The following PLEKHS1 variants were observed in gnomAD, a reference collection of about 807,000 sequenced individuals.
PLEKHS1 encodes the protein pleckstrin homology domain containing S1, also known as pleckstrin homology domain-containing family S member 1.
Under a neutral mutation model 51.0 loss-of-function variants are expected in PLEKHS1, and 55 were observed. That is an observed-to-expected ratio of 1.08 (90% CI 0.87 to 1.35). The LOEUF (loss-of-function observed/expected upper bound fraction) is 1.35. Among genes scored for constraint, PLEKHS1 ranks in the 40% most tolerant of loss-of-function variants. PLEKHS1 has a pLI of 0.00. For synonymous variants in PLEKHS1, 153 were observed against 144.8 expected (o/e 1.06, Z -0.41); for missense variants, 398 against 423.0 (o/e 0.94, Z 0.52).
exon 12 of PLEKHS1, chr10:113,781,896 A>C (rs1425243409): frequency 6.6e-6 from 1 of 152,384 alleles, no homozygotes; most frequent in Non-Finnish European, 1.5e-5. Context: ...TGGATTCAAT[A>C]AGTATCTTGT....
intron 4 of PLEKHS1, 65 bp downstream of exon 4, chr10:113,766,783 G>T (rs1187171063): frequency 1.4e-5 from 18 of 1,250,502 alleles, no homozygotes; most frequent in Non-Finnish European, 4.5e-6. Context: ...GTAACAAGTT[G>T]CATGCAAATT....
intron 2 of PLEKHS1, among the ~76,000 whole-genome samples, chr10:113,764,025 A>AT (rs1357586279): frequency 4.6e-5 from 7 of 152,164 alleles, no homozygotes; most frequent in Non-Finnish European, 1.0e-4. Context: ...AATTGCCTTC[A>AT]TTTTTAAAAG....
downstream of PLEKHS1, chr10:113,782,885 C>G (rs976635376): frequency 1.6e-4 from 24 of 152,124 alleles, no homozygotes; most frequent in African/African-American, 4.6e-4. Flanking sequence ...TGCAGAAATA[C>G]ACAAATACAC....
intron 2 of PLEKHS1, among the ~76,000 whole-genome samples, chr10:113,756,690 C>A (rs1854129971): frequency 6.6e-6 from 1 of 152,082 alleles, no homozygotes; most frequent in African/African-American, 2.4e-5. Context: ...GAAAAAAGAG[C>A]ACATTCCAGC....
intron 1 of PLEKHS1, among the ~76,000 whole-genome samples, chr10:113,753,654 A>G (rs979846836): frequency 1.3e-5 from 2 of 152,176 alleles, no homozygotes; most frequent in Admixed American, 6.5e-5. Flanking sequence ...ATCTTTCCCT[A>G]GGGGCAGGGT....
intron 11 of PLEKHS1, 143 bp from the exon 12 acceptor site, chr10:113,776,981 A>T: frequency 1.0e-6 from 1 of 957,582 alleles, no homozygotes; most frequent in Non-Finnish European, 1.5e-6. Context: ...TTGTAGTGAC[A>T]GAGGAAACAA....
At chr10:113,768,765 A>G in intron 5 of PLEKHS1, 50 bp from the exon 6 acceptor site, 1 of 1,408,784 alleles carries the variant, frequency 7.1e-7, no homozygotes, top group Non-Finnish European at 1.0e-6. Context: ...TCTGGTTCAA[A>G]AGGCACTATT....
At chr10:113,770,020 T>C (rs1564823468) in intron 7 of PLEKHS1, 120 bp downstream of exon 7, 1 of 757,712 alleles carries the variant, frequency 1.3e-6, no homozygotes. Flanking sequence ...CGATGCACTA[T>C]AAGAAAGATT....
chr10:113,754,117 G>A (rs147776166), intron 1 of PLEKHS1, among the ~76,000 whole-genome samples: 173 of 152,142 alleles, frequency 1.1e-3, no homozygotes, highest in African/African-American at 3.6e-3. Flanking sequence ...CTGAATATAT[G>A]TATTTTTTCA....
In PLEKHS1 at chr10:113,757,411, T is replaced by C. The variant is rs192353754; in HGVS notation, c.28+2106T>C. Among the ~76,000 whole-genome samples, 7 of 152,354 alleles carry C rather than the reference T, an allele frequency of 4.6e-5. No homozygotes were observed. In the East Asian group the frequency reaches 9.6e-4, roughly 21 times the overall value. ...CAATAAAGCTAGTCACATGAATTTA[T>C]TGGATTCCATAAAAGCTATGCGTAC... On this transcript the variant is annotated intron_variant, in intron 2 of 11. Transcript: ENST00000361048.
intron 1 of PLEKHS1, among the ~76,000 whole-genome samples, chr10:113,754,670 G>A (rs540690898): frequency 6.6e-6 from 1 of 152,260 alleles, no homozygotes; most frequent in South Asian, 2.1e-4. Context: ...ATTTTTAGTA[G>A]AGATGGGGTT....
rs750473724 is a variant in PLEKHS1, at chr10:113,777,140, G to C, written c.1091+1274G>C. On this transcript the variant is annotated intron_variant, in intron 11 of 11. Transcript: ENST00000361048. ...CCACTGCAGTGTGTCTCAGTGGGAA[G>C]GCCCCCCACGTTTGGGATGCATATT... The C allele has an allele frequency of 6.8e-6, 11 of 1,612,678 alleles. 1 individual carries two copies. The South Asian group carries it at 1.2e-4, about 18-fold the overall frequency.
intron 1 of PLEKHS1, 104 bp from the exon 2 acceptor site, chr10:113,755,155 A>G: frequency 7.7e-7 from 1 of 1,294,962 alleles, no homozygotes; most frequent in African/African-American, 1.5e-5. Flanking sequence ...CCATCTCAGC[A>G]ACATTCGTGA....
In PLEKHS1 at chr10:113,769,716, G is replaced by A; in HGVS notation, c.436-68G>A. The A allele has an allele frequency of 6.2e-6, 6 of 964,906 alleles. 1 individual carries two copies. The South Asian group carries it at 7.8e-5, about 13-fold the overall frequency. 59.8% of individuals were successfully genotyped at this position (964,906 alleles called of 1,614,324 possible). ...AAGACAGGAGGCAAGGAGCCCGGTA[G>A]AGAGGCTGCCGTTTCATTCCAGACA... On this transcript the variant is annotated intron_variant, in intron 6 of 11. Coordinates refer to ENST00000361048, the Ensembl canonical transcript of PLEKHS1.
intron 2 of PLEKHS1, among the ~76,000 whole-genome samples, chr10:113,759,564 G>T (rs997747554): frequency 1.3e-4 from 20 of 152,112 alleles, no homozygotes; most frequent in Admixed American, 7.9e-4. Flanking sequence ...TTTTCACTCA[G>T]CATAATTTTT....
chr10:113,768,962 C>A, intron 6 of PLEKHS1, 72 bp downstream of exon 6: 1 of 1,164,200 alleles, frequency 8.6e-7, no homozygotes, highest in Non-Finnish European at 1.2e-6. Flanking sequence ...ACAATGGTAG[C>A]TTTCCTTTGC....
At chr10:113,758,094 T>C (rs1843749272) in intron 2 of PLEKHS1, among the ~76,000 whole-genome samples, 1 of 152,196 alleles carries the variant, frequency 6.6e-6, no homozygotes, top group African/African-American at 2.4e-5. Context: ...TGGAATCCAC[T>C]TCCTCCAGAC....
chr10:113,767,459 C>A lies in PLEKHS1; in HGVS notation c.339C>A (p.Tyr113Ter). 1 of 1,612,628 alleles carries A rather than the reference C, an allele frequency of 6.2e-7. No individual in the cohort carries two copies. Among genetic ancestry groups the A allele is most frequent in the Non-Finnish European group, 8.5e-7 (1 of 1,179,390 alleles). The change falls in exon 5 of 12, where the codon TAC becomes TAA. Residue 113 changes from tyrosine to a stop codon, truncating the protein, a stop_gained. Coordinates refer to ENST00000361048, the Ensembl canonical transcript of PLEKHS1. LOFTEE classifies it high-confidence loss of function. ...CCATCAGAACCACTAACAGGGAATA[C>A]TTCCTCATTGGCCACGACAGGTGAG...
intron 11 of PLEKHS1, among the ~76,000 whole-genome samples, chr10:113,776,155 G>A (rs771486684): frequency 6.6e-4 from 100 of 152,128 alleles, no homozygotes; most frequent in Non-Finnish European, 1.2e-3. Context: ...GGATACAGGT[G>A]GCCCAAGGAC....
Sources: gnomAD v4.1 joint callset for allele counts (sites outside exome capture counted in the v4.1 genomes callset) on GRCh38, gnomAD v4.1.1 for gene constraint, MANE v1.5 for transcripts, NCBI Gene and HGNC (gene_info 2026-07-23, HGNC 2026-07-21) for gene names.